Variants in CDON observed in about 807,000 individuals in gnomAD.
CDON encodes the protein cell adhesion molecule-related/down-regulated by oncogenes.
A neutral mutation model predicts 120.9 loss-of-function variants in CDON; 73 were observed. That is an observed-to-expected ratio of 0.60 (90% CI 0.50 to 0.73). The LOEUF is 0.73. Ranked by LOEUF, CDON falls within the 30% of genes least tolerant of loss-of-function variation. The probability of loss-of-function intolerance (pLI) is 0.00; values close to 1 mark genes in which losing one functional copy is unlikely to be tolerated. For synonymous variants in CDON, 566 were observed against 573.5 expected (o/e 0.99, Z 0.19); for missense variants, 1,470 against 1,587.3 (o/e 0.93, Z 1.26).
At chr11:125,969,757 AG>A (rs1945909071) in intron 18 of CDON, among the ~76,000 whole-genome samples, 1 of 152,234 alleles carries the variant, frequency 6.6e-6, no homozygotes, top group African/African-American at 2.4e-5. Flanking sequence ...AACACAGGAA[AG>A]GCCTGTCTGA....
chr11:126,001,838 G>A lies in CDON; in HGVS notation c.2039C>T (p.Ser680Leu), dbSNP rs768098647. The A allele has an allele frequency of 3.1e-6, 5 of 1,603,706 alleles. No individual in the cohort carries two copies. Among genetic ancestry groups the A allele is most frequent in the Non-Finnish European group, 3.4e-6 (4 of 1,170,482 alleles). ...AGAGGATGCCTGGGTGTTTTTTGAT[G>A]ACGCTGTTTTTTCTAGAAAGGTAAA... ...TFRTSKEKTA[S>L]SKNTQASSPP... Residue 680 changes from serine (S) to leucine (L), a missense_variant, in exon 11 of 20, where the codon TCA becomes TTA. Physicochemically the swap from Ser to Leu is moderately radical, Grantham distance 145. Transcript: ENST00000531738.
chr11:126,042,394 A>G (rs941482663), intron 1 of CDON, among the ~76,000 whole-genome samples: 1 of 152,224 alleles, frequency 6.6e-6, no homozygotes, highest in African/African-American at 2.4e-5. Context: ...AAGGTGGGAC[A>G]CATGCAGTAT....
At chr11:126,030,511 C>A (rs562947155) in intron 1 of CDON, among the ~76,000 whole-genome samples, 2 of 152,228 alleles carry the variant, frequency 1.3e-5, no homozygotes, top group South Asian at 4.1e-4. Flanking sequence ...AGTTATAGTT[C>A]TTCAAAATAG....
chr11:125,999,836 T>C (rs1946890638), intron 11 of CDON, among the ~76,000 whole-genome samples: 1 of 152,202 alleles, frequency 6.6e-6, no homozygotes, highest in South Asian at 2.1e-4. Flanking sequence ...CAAGGAAAGA[T>C]TCAACTTTGA....
chr11:126,031,513 A>G (rs1041547926), intron 1 of CDON, among the ~76,000 whole-genome samples: 2 of 152,186 alleles, frequency 1.3e-5, no homozygotes, highest in Non-Finnish European at 2.9e-5. Flanking sequence ...GTCACGTAGA[A>G]AAAAGTGAAT....
chr11:125,983,766 T>A (rs1464065667), intron 16 of CDON, 106 bp downstream of exon 16: 2 of 847,152 alleles, frequency 2.4e-6, no homozygotes, highest in South Asian at 2.9e-5. Context: ...ATGTGTTTCA[T>A]ACCATGACAC....
intron 18 of CDON, among the ~76,000 whole-genome samples, chr11:125,965,765 A>C (rs147497167): frequency 0.019 from 2,914 of 152,318 alleles, 82 homozygotes; most frequent in African/African-American, 0.065. Flanking sequence ...CTGCCTGCCA[A>C]AGGCAGAAGT....
rs553748388 is a variant in CDON, at chr11:125,967,893, A to T, written c.3357-5895T>A. 2.0e-5 allele frequency among the ~76,000 whole-genome samples: 3 copies of T among 152,008 alleles called. No individual in the cohort carries two copies. In the South Asian group the frequency reaches 6.3e-4, roughly 32 times the overall value. Reference sequence around the variant, plus strand: ...GCTACCATTCCTGAAAAATTTTTAAATTTTTTTTGTAGAGAAGGGGGTCTC... The same window carrying T: ...GCTACCATTCCTGAAAAATTTTTAATTTTTTTTTGTAGAGAAGGGGGTCTC... On this transcript the variant is annotated intron_variant, in intron 18 of 19. Transcript: ENST00000531738.
At position 125,956,956 on chromosome 11, in the gene CDON, A is replaced by C; in HGVS notation, c.*3986T>G. On this transcript the variant is annotated 3_prime_UTR_variant, in exon 20 of 20. Transcript: ENST00000531738. Reference sequence around the variant, plus strand: ...AATACAAAAGGGCCACACCCGATGCAAAAGACTTTGCTGGCTTTCTGGTCA... The same window carrying C: ...AATACAAAAGGGCCACACCCGATGCCAAAGACTTTGCTGGCTTTCTGGTCA... The C allele has an allele frequency of 2.7e-6, 2 of 729,370 alleles. No individual in the cohort carries two copies. Among genetic ancestry groups the C allele is most frequent in the Non-Finnish European group, 1.7e-6 (1 of 596,156 alleles). The allele number at this position is 729,370 out of a possible 1,614,324, so 45.2% of individuals were successfully genotyped here.
chr11:125,985,276 C>T (rs796701423), intron 15 of CDON, among the ~76,000 whole-genome samples: 18 of 152,306 alleles, frequency 1.2e-4, no homozygotes, highest in Admixed American at 5.9e-4. Context: ...CAGGTTCCAG[C>T]GATTCTCCTG....
At chr11:125,968,957 T>C (rs763198007) in intron 18 of CDON, among the ~76,000 whole-genome samples, 4 of 152,230 alleles carry the variant, frequency 2.6e-5, no homozygotes, top group Non-Finnish European at 5.9e-5. Flanking sequence ...AAAAGGAACA[T>C]AGTCTGTTCT....
chr11:125,984,265 G>T (rs1239651152), intron 15 of CDON, among the ~76,000 whole-genome samples, 172 bp from the exon 16 acceptor site: 1 of 152,196 alleles, frequency 6.6e-6, no homozygotes, highest in Non-Finnish European at 1.5e-5. Context: ...TTAAAAACTT[G>T]ATGTGCCAAA....
At chr11:126,005,495 T>G in intron 9 of CDON, 1 of 504,526 alleles carries the variant, frequency 2.0e-6, no homozygotes, top group Non-Finnish European at 3.6e-6. Flanking sequence ...GAGCTTTATG[T>G]TGAAGGGCTA....
intron 1 of CDON, among the ~76,000 whole-genome samples, chr11:126,057,846 G>A (rs950735356): frequency 2.6e-5 from 4 of 152,144 alleles, no homozygotes; most frequent in African/African-American, 9.7e-5. Context: ...TATACAGGAG[G>A]AGTTAATAAA....
At position 125,959,217 on chromosome 11, in the gene CDON, C is replaced by G. The variant is rs756240606; in HGVS notation, c.*1725G>C. 2 of 152,194 alleles carry G rather than the reference C, an allele frequency of 1.3e-5. No individual in the cohort carries two copies. The highest frequency in any genetic ancestry group is 2.9e-5 in the Non-Finnish European group (2 of 68,042). The allele number at this position is 152,194 out of a possible 1,614,324, so 9.4% of individuals were successfully genotyped here. On this transcript the variant is annotated 3_prime_UTR_variant, in exon 20 of 20. Coordinates refer to ENST00000531738, the MANE Select transcript of CDON (RefSeq NM_001378964.1). ...ATATATAGACATATGTAAGGGAATACTGATGCATTTATACAGAAAGTTGGT... is the reference window on the plus strand; with the variant it reads ...ATATATAGACATATGTAAGGGAATAGTGATGCATTTATACAGAAAGTTGGT...
Position 126,010,672 on chromosome 11 carries a change from T to A in CDON, c.1221A>T (p.Ile407=). The A allele has an allele frequency of 6.2e-7, 1 of 1,613,946 alleles. No individual in the cohort carries two copies. The highest frequency in any genetic ancestry group is 8.5e-7 in the Non-Finnish European group (1 of 1,179,814). ...CCTTTGCACTTACTGGTGCCGTAAT[T>A]ATAACTGGCTTGAATCCACCGTCTA... ...IENDGGFKPV[I]ITAPVSAKVA... is the part of the protein sequence containing the mutation. The change falls in exon 8 of 20, where the codon ATA becomes ATT. Residue 407 remains isoleucine, a synonymous_variant. Transcript: ENST00000531738.
intron 1 of CDON, among the ~76,000 whole-genome samples, chr11:126,053,911 G>A (rs1948628037): frequency 6.6e-6 from 1 of 152,080 alleles, no homozygotes; most frequent in Admixed American, 6.5e-5. Flanking sequence ...CACATCCTAA[G>A]GCCAAAATCA....
chr11:126,019,589 G>T, intron 4 of CDON, 30 bp downstream of exon 4: 1 of 1,613,020 alleles, frequency 6.2e-7, no homozygotes, highest in Non-Finnish European at 8.5e-7. Flanking sequence ...TGTTCTGTGT[G>T]TGCCACCGGC....
At chr11:125,963,614 T>C (rs1347862522) in intron 18 of CDON, among the ~76,000 whole-genome samples, 1 of 152,220 alleles carries the variant, frequency 6.6e-6, no homozygotes, top group African/African-American at 2.4e-5. Context: ...ATAAGATATC[T>C]GTCAGCAAAC....
Sources: gnomAD v4.1 joint callset for allele counts (sites outside exome capture counted in the v4.1 genomes callset) on GRCh38, gnomAD v4.1.1 for gene constraint, MANE v1.5 for transcripts, NCBI Gene and HGNC (gene_info 2026-07-23, HGNC 2026-07-21) for gene names.